The following CTNND2 variants were observed in gnomAD, a reference collection of about 807,000 sequenced individuals.
CTNND2 encodes catenin delta 2.
A neutral mutation model predicts 144.4 loss-of-function variants in CTNND2; 22 were observed. The observed-to-expected ratio is 0.15, with a 90% CI of 0.11 to 0.22. CTNND2 has a LOEUF of 0.22. Ranked by LOEUF, CTNND2 falls within the 10% of genes least tolerant of loss-of-function variation. The pLI is 1.00. For missense variants in CTNND2, 1,353 were observed against 1,618.8 expected, an observed-to-expected ratio of 0.84 and a Z score of 2.82; for synonymous variants, 751 against 695.6, an observed-to-expected ratio of 1.08 and a Z score of -1.25.
At chr5:11,120,853 A>C (rs998203569) in intron 12 of CTNND2, among the ~76,000 whole-genome samples, 2 of 152,192 alleles carry the variant, frequency 1.3e-5, no homozygotes, top group African/African-American at 2.4e-5. Context: ...ATGGGCAATG[A>C]TTTCCTATAG....
chr5:11,070,473 A>C (rs1748136339), intron 16 of CTNND2, among the ~76,000 whole-genome samples: 1 of 152,198 alleles, frequency 6.6e-6, no homozygotes, highest in African/African-American at 2.4e-5. Context: ...TCTAAGACCT[A>C]CCTACAGGAC....
chr5:11,009,670 G>A (rs11747452), intron 18 of CTNND2, among the ~76,000 whole-genome samples: 8,871 of 152,256 alleles, frequency 0.058, 327 homozygotes, highest in East Asian at 0.1. Flanking sequence ...AAAATGTTAC[G>A]AGCGAAGCCT....
chr5:11,269,165 T>C (rs1262299587), intron 9 of CTNND2, among the ~76,000 whole-genome samples: 1 of 151,966 alleles, frequency 6.6e-6, no homozygotes, highest in East Asian at 1.9e-4. Context: ...AGCTGTAAAA[T>C]GGAAAAATAA....
chr5:11,437,442 A>G (rs1371557027), intron 3 of CTNND2, among the ~76,000 whole-genome samples: 1 of 152,222 alleles, frequency 6.6e-6, no homozygotes, highest in East Asian at 1.9e-4. Flanking sequence ...GCGGGCACAA[A>G]GTCTAAGATT....
chr5:11,293,127 T>C (rs1428503854), intron 9 of CTNND2, among the ~76,000 whole-genome samples: 1 of 152,138 alleles, frequency 6.6e-6, no homozygotes, highest in African/African-American at 2.4e-5. Flanking sequence ...GGCTTAGAAG[T>C]TAAGCACCTA....
intron 1 of CTNND2, among the ~76,000 whole-genome samples, chr5:11,771,980 C>T (rs1359241828): frequency 1.3e-5 from 2 of 152,170 alleles, no homozygotes; most frequent in Non-Finnish European, 2.9e-5. Context: ...GTCAAGTTTG[C>T]TGATCCAAAG....
intron 2 of CTNND2, among the ~76,000 whole-genome samples, chr5:11,612,557 C>T (rs998105467): frequency 3.9e-5 from 6 of 152,102 alleles, no homozygotes; most frequent in Non-Finnish European, 7.4e-5. Context: ...AAAGCAACAG[C>T]ATTAAAAAGG....
At chr5:11,230,883 C>A (rs1202029260) in intron 10 of CTNND2, among the ~76,000 whole-genome samples, 1 of 152,168 alleles carries the variant, frequency 6.6e-6, no homozygotes, top group Non-Finnish European at 1.5e-5. Flanking sequence ...GCCTTAGTCA[C>A]TGGAGATTGC....
intron 16 of CTNND2, among the ~76,000 whole-genome samples, chr5:11,076,589 A>G (rs993281349): frequency 9.9e-5 from 15 of 152,238 alleles, no homozygotes; most frequent in Non-Finnish European, 1.9e-4. Context: ...CTATGCCAGT[A>G]GGAAGAACAC....
At chr5:11,543,270 G>T (rs1774921237) in intron 3 of CTNND2, among the ~76,000 whole-genome samples, 1 of 152,166 alleles carries the variant, frequency 6.6e-6, no homozygotes, top group South Asian at 2.1e-4. Context: ...TAATCAGAAA[G>T]GTTATGGCAG....
chr5:11,541,769 C>T (rs1026340131), intron 3 of CTNND2, among the ~76,000 whole-genome samples: 52 of 150,966 alleles, frequency 3.4e-4, no homozygotes, highest in Non-Finnish European at 6.9e-4. Flanking sequence ...CCCCCGCAGT[C>T]TGTGTTCTAT....
In CTNND2 at chr5:11,676,584, G is replaced by A. The variant is rs118152227; in HGVS notation, c.174+55552C>T. ...AAATAGTCCTTGAATGCTGACAAAC[G>A]GTTCGTAAAAAGTTAAAAAAAAAAA... is the stretch of plus-strand genomic sequence containing the variant. On this transcript the variant is annotated intron_variant, in intron 2 of 21. Coordinates refer to ENST00000304623, the MANE Select transcript of CTNND2 (RefSeq NM_001332.4). 7.1e-4 allele frequency among the ~76,000 whole-genome samples: 107 copies of A among 149,972 alleles called. 3 individuals carry two copies. In the East Asian group the frequency reaches 0.016, roughly 23 times the overall value.
intron 3 of CTNND2, among the ~76,000 whole-genome samples, chr5:11,422,785 A>AT (rs1266521933): frequency 6.6e-6 from 1 of 152,112 alleles, no homozygotes; most frequent in African/African-American, 2.4e-5. Context: ...AAATGCATTC[A>AT]TTTTTTTCTT....
At position 11,128,801 on chromosome 5, in the gene CTNND2, A is replaced by G. The variant is rs1215903194; in HGVS notation, c.2160-11234T>C. Among the ~76,000 whole-genome samples the G allele has an allele frequency of 1.1e-4, 3 of 28,504 alleles. 1 individual carries two copies. Among genetic ancestry groups the G allele is most frequent in the African/African-American group, 4.4e-4 (3 of 6,848 alleles). The allele number at this position is 28,504 out of a possible 152,430, so 18.7% of individuals were successfully genotyped here. ...TAAAATATATAAATATATATTATAT[A>G]TATACAATATATATAATATATATTA... On this transcript the variant is annotated intron_variant, in intron 12 of 21. Transcript: ENST00000304623.
At chr5:11,522,173 A>G (rs1772787402) in intron 3 of CTNND2, among the ~76,000 whole-genome samples, 1 of 152,216 alleles carries the variant, frequency 6.6e-6, no homozygotes, top group South Asian at 2.1e-4. Flanking sequence ...GTCACTTAAC[A>G]TACTTTCTGA....
intron 16 of CTNND2, among the ~76,000 whole-genome samples, chr5:11,065,537 T>C (rs1747470518): frequency 6.6e-6 from 1 of 152,214 alleles, no homozygotes; most frequent in South Asian, 2.1e-4. Flanking sequence ...TACTCCCTTT[T>C]CTTCAACAAA....
intron 2 of CTNND2, among the ~76,000 whole-genome samples, chr5:11,581,671 A>C (rs974990222): frequency 2.6e-5 from 4 of 152,350 alleles, no homozygotes; most frequent in South Asian, 2.1e-4. Flanking sequence ...AAAATTATAT[A>C]ACTGTCATCT....
intron 2 of CTNND2, among the ~76,000 whole-genome samples, chr5:11,682,591 A>C (rs1473364725): frequency 2.0e-5 from 3 of 152,214 alleles, no homozygotes; most frequent in Non-Finnish European, 4.4e-5. Flanking sequence ...TGTATCTATA[A>C]AGATGCAACA....
In CTNND2 at chr5:11,159,873, A is replaced by G. The variant is rs1049028833; in HGVS notation, c.1976-114T>C. 13 of 792,536 alleles carry G rather than the reference A, an allele frequency of 1.6e-5. No homozygotes were observed. The South Asian group carries it at 2.6e-4, about 16-fold the overall frequency. 49.1% of individuals were successfully genotyped at this position (792,536 alleles called of 1,614,324 possible). A position where few individuals can be genotyped will look rare whatever the true frequency, so the allele number is the denominator to read the frequency against. ...GGCAGGAAGGATGAAAATACTGTGG[A>G]CACACATCCTAGAGTGTGTCCTTAA... is the stretch of plus-strand genomic sequence containing the variant. On this transcript the variant is annotated intron_variant, in intron 11 of 21. Coordinates refer to ENST00000304623, the MANE Select transcript of CTNND2 (RefSeq NM_001332.4).
Sources: allele counts gnomAD v4.1 joint callset (sites outside exome capture counted in the v4.1 genomes callset), GRCh38; gene constraint gnomAD v4.1.1; transcripts MANE v1.5; gene names NCBI Gene and HGNC (gene_info 2026-07-23, HGNC 2026-07-21).